The following SH3RF3 variants were observed in gnomAD, a reference collection of about 807,000 sequenced individuals.
The protein encoded by SH3RF3 is E3 ubiquitin-protein ligase SH3RF3.
In SH3RF3, 29 loss-of-function variants were observed where a neutral mutation model predicts 66.3. That is an observed-to-expected ratio of 0.44 (90% confidence interval 0.33 to 0.60). SH3RF3 has a LOEUF of 0.60. Among genes scored for constraint, SH3RF3 ranks in the 20% least tolerant of loss-of-function variants. The pLI, the probability that SH3RF3 is intolerant of heterozygous loss-of-function variation, is 0.04. For missense variants in SH3RF3, 1,194 were observed against 1,190.9 expected (o/e 1.00, Z -0.04); for synonymous variants, 583 against 532.0 (o/e 1.10, Z -1.32).
intron 1 of SH3RF3, among the ~76,000 whole-genome samples, chr2:109,231,607 G>C (rs1679517048): frequency 6.6e-6 from 1 of 152,204 alleles, no homozygotes; most frequent in Admixed American, 6.5e-5. Flanking sequence ...TACTAGTTAA[G>C]TAGGCTGCTT....
intron 1 of SH3RF3, among the ~76,000 whole-genome samples, chr2:109,174,796 C>A (rs1677879388): frequency 6.6e-6 from 1 of 152,144 alleles, no homozygotes; most frequent in Non-Finnish European, 1.5e-5. Context: ...GCTGGCAGAC[C>A]CATGAGGGCA....
intron 1 of SH3RF3, among the ~76,000 whole-genome samples, chr2:109,274,403 G>A (rs1158065051): frequency 6.6e-6 from 1 of 152,234 alleles, no homozygotes; most frequent in Non-Finnish European, 1.5e-5. Flanking sequence ...CAGTGGATGA[G>A]TGGATAAACA....
intron 3 of SH3RF3, among the ~76,000 whole-genome samples, chr2:109,386,424 A>G (rs13404509): frequency 6.6e-6 from 1 of 152,190 alleles, no homozygotes; most frequent in African/African-American, 2.4e-5. Flanking sequence ...TTTAAAAAAA[A>G]AAAAAAAAAC....
intron 1 of SH3RF3, among the ~76,000 whole-genome samples, chr2:109,202,632 C>T (rs1366551614): frequency 6.6e-6 from 1 of 152,140 alleles, no homozygotes; most frequent in East Asian, 1.9e-4. Flanking sequence ...TCAGCCCGGC[C>T]CCAGGAACCT....
chr2:109,201,098 CT>C lies in SH3RF3; in HGVS notation c.573+70986del, dbSNP rs1460606482. On this transcript the variant is annotated intron_variant, in intron 1 of 9. Transcript: ENST00000309415. ...GCTCAGGGACTCTCAGTTCTCTCCC[CT>C]GTCCCTCAGCACAGACCTTATTTTA... 6.6e-5 allele frequency among the ~76,000 whole-genome samples: 10 copies of C among 152,376 alleles called. No individual in the cohort carries two copies. In the East Asian group the frequency reaches 1.2e-3, roughly 18 times the overall value.
chr2:109,462,676 CCTCT>C, intron 8 of SH3RF3, among the ~76,000 whole-genome samples: 1 of 152,290 alleles, frequency 6.6e-6, no homozygotes, highest in East Asian at 1.9e-4. Context: ...GCATAACAGC[CCTCT>C]CTCCACAGGT....
intron 1 of SH3RF3, among the ~76,000 whole-genome samples, chr2:109,236,309 A>G (rs1679648691): frequency 6.6e-6 from 1 of 152,174 alleles, no homozygotes; most frequent in Admixed American, 6.5e-5. Context: ...GTGTCGGGGC[A>G]GGGGAATAAT....
intron 1 of SH3RF3, among the ~76,000 whole-genome samples, chr2:109,284,744 G>T: frequency 6.6e-6 from 1 of 152,198 alleles, no homozygotes; most frequent in African/African-American, 2.4e-5. Flanking sequence ...TGCAGGTGAA[G>T]TCCCCGCATG....
At chr2:109,334,682 C>A (rs1406348348) in intron 1 of SH3RF3, among the ~76,000 whole-genome samples, 1 of 152,166 alleles carries the variant, frequency 6.6e-6, no homozygotes, top group African/African-American at 2.4e-5. Flanking sequence ...GGAAAGGAGA[C>A]CCACAGACAC....
chr2:109,444,419 G>C (rs10185657), intron 7 of SH3RF3, among the ~76,000 whole-genome samples: 21,481 of 152,210 alleles, frequency 0.14, 2,689 homozygotes, highest in African/African-American at 0.33. Context: ...GCCTTGTTGG[G>C]TGACTTTCAA....
chr2:109,404,023 A>G (rs1169775526), intron 4 of SH3RF3, among the ~76,000 whole-genome samples: 1 of 152,152 alleles, frequency 6.6e-6, no homozygotes, highest in East Asian at 1.9e-4. Context: ...CCAAGACACC[A>G]GGCACCAGAC....
chr2:109,374,304 A>C (rs564472503), intron 3 of SH3RF3, among the ~76,000 whole-genome samples: 1 of 152,326 alleles, frequency 6.6e-6, no homozygotes, highest in African/African-American at 2.4e-5. Flanking sequence ...TCCACGCCAC[A>C]CACCCATAGC....
At chr2:109,266,291 TGTG>T (rs1338931028) in intron 1 of SH3RF3, among the ~76,000 whole-genome samples, 1 of 148,914 alleles carries the variant, frequency 6.7e-6, no homozygotes, top group Admixed American at 6.6e-5. Flanking sequence ...ATGTTTGTGT[TGTG>T]TGTATGTGTT....
At chr2:109,344,065 T>G (rs1396816650) in intron 1 of SH3RF3, among the ~76,000 whole-genome samples, 4 of 152,134 alleles carry the variant, frequency 2.6e-5, no homozygotes, top group African/African-American at 9.7e-5. Context: ...TTTTGTAACT[T>G]TCCCCCCTGT....
At chr2:109,150,477 T>A (rs1269516906) in intron 1 of SH3RF3, among the ~76,000 whole-genome samples, 1 of 152,218 alleles carries the variant, frequency 6.6e-6, no homozygotes, top group Non-Finnish European at 1.5e-5. Flanking sequence ...AAAATAGTTT[T>A]TTTACAAAAA....
chr2:109,212,834 G>T (rs554769223), intron 1 of SH3RF3, among the ~76,000 whole-genome samples: 1 of 152,180 alleles, frequency 6.6e-6, no homozygotes, highest in Non-Finnish European at 1.5e-5. Flanking sequence ...AGCTGGTGTG[G>T]GGTAGGTGCC....
Position 109,436,820 on chromosome 2 carries a change from C to T in SH3RF3, c.1575-73C>T, listed in dbSNP as rs73953110. 19,903 of 1,543,880 alleles carry T rather than the reference C, an allele frequency of 0.013. 1,059 individuals carry two copies. The African/African-American group carries it at 0.16, about 12-fold the overall frequency. On this transcript the variant is annotated intron_variant, in intron 6 of 9. Coordinates refer to ENST00000309415, the MANE Select transcript of SH3RF3 (RefSeq NM_001099289.3). ...TTAAAGCCAGCAGGTCAGAGCGAGG[C>T]TCTGCCAGAGGCCCACATGGCACGA...
chr2:109,149,571 G>T (rs1677185406), intron 1 of SH3RF3, among the ~76,000 whole-genome samples: 1 of 152,150 alleles, frequency 6.6e-6, no homozygotes, highest in South Asian at 2.1e-4. Context: ...TAAGGCAGCC[G>T]TCCCTGGGTC....
rs138761746 is a variant in SH3RF3, at chr2:109,358,032, C to A, written c.849+10083C>A. 7.0e-4 allele frequency among the ~76,000 whole-genome samples: 107 copies of A among 152,290 alleles called. 1 individual carries two copies. In the East Asian group the frequency reaches 0.018, roughly 25 times the overall value. Reference sequence around the variant, plus strand: ...AAGTAGGTTCACTGCCCTGAAAATCCTCTGACCTGTCTATCCATCCCTCCC... The same window carrying A: ...AAGTAGGTTCACTGCCCTGAAAATCATCTGACCTGTCTATCCATCCCTCCC... On this transcript the variant is annotated intron_variant, in intron 2 of 9. Coordinates refer to ENST00000309415, the MANE Select transcript of SH3RF3 (RefSeq NM_001099289.3).
Sources: allele counts gnomAD v4.1 joint callset (sites outside exome capture counted in the v4.1 genomes callset), GRCh38; gene constraint gnomAD v4.1.1; transcripts MANE v1.5; gene names NCBI Gene and HGNC (gene_info 2026-07-23, HGNC 2026-07-21).